Variants in PHF21B observed in about 807,000 individuals in gnomAD.
PHF21B encodes the protein PHD finger protein 4.
Under a neutral mutation model 62.2 loss-of-function variants are expected in PHF21B, and 22 were observed. That is an observed-to-expected ratio of 0.35 (90% confidence interval 0.25 to 0.51). PHF21B has a LOEUF of 0.51. Ranked by LOEUF, PHF21B falls within the 20% of genes least tolerant of loss-of-function variation. PHF21B has a pLI of 0.97. For missense variants in PHF21B, 701 were observed against 707.9 expected (o/e 0.99, Z 0.11); for synonymous variants, 341 against 314.7 (o/e 1.08, Z -0.88).
At chr22:44,933,476 G>A (rs555326003) in intron 2 of PHF21B, 61 of 985,476 alleles carry the variant, frequency 6.2e-5, no homozygotes, top group Non-Finnish European at 7.0e-5. Flanking sequence ...CACCTACCCC[G>A]TGCTGGGTCC....
chr22:44,992,794 A>AC (rs1023388276), intron 2 of PHF21B, among the ~76,000 whole-genome samples: 1 of 151,358 alleles, frequency 6.6e-6, no homozygotes. Context: ...CCTGACGCTG[A>AC]CCCCCCAGAG....
rs149036430 is a variant in PHF21B at position 44,904,040 on chromosome 22, C to CT, written c.832-7958dup. 2.0e-4 allele frequency among the ~76,000 whole-genome samples: 31 copies of CT among 151,740 alleles called. No homozygotes were observed. The East Asian group carries it at 2.7e-3, about 13-fold the overall frequency. ...TTGGGAAAAAAAAGCTCCACATTCA[C>CT]TTTTTTTTTCCTCTGCTGATTTAGA... is the stretch of plus-strand genomic sequence containing the variant. On this transcript the variant is annotated intron_variant, in intron 5 of 12. Coordinates refer to ENST00000313237, the MANE Select transcript of PHF21B (RefSeq NM_138415.5).
intron 2 of PHF21B, among the ~76,000 whole-genome samples, chr22:45,007,856 G>A (rs2147553060): frequency 6.6e-6 from 1 of 151,826 alleles, no homozygotes; most frequent in South Asian, 2.1e-4. Context: ...CGAGCGCTGA[G>A]CTCAGCGCAA....
chr22:44,996,333 T>C (rs1486211862), intron 2 of PHF21B, among the ~76,000 whole-genome samples: 1 of 152,038 alleles, frequency 6.6e-6, no homozygotes, highest in Non-Finnish European at 1.5e-5. Context: ...CCGCCAGCCT[T>C]CCCCGTACAA....
intron 2 of PHF21B, among the ~76,000 whole-genome samples, chr22:44,987,170 A>C (rs1373301265): frequency 3.3e-5 from 5 of 152,222 alleles, no homozygotes; most frequent in African/African-American, 1.2e-4. Flanking sequence ...TAAAGAGACC[A>C]GTCAGGGGGC....
intron 7 of PHF21B, among the ~76,000 whole-genome samples, chr22:44,891,576 C>T (rs1243407274): frequency 2.6e-5 from 4 of 152,100 alleles, no homozygotes; most frequent in Admixed American, 6.5e-5. Context: ...GCAGGGAAGT[C>T]GGCAAAGGCT....
Position 45,009,051 on chromosome 22 carries a change from G to C in PHF21B, c.55-441C>G. On this transcript the variant is annotated intron_variant, in intron 1 of 12. Coordinates refer to ENST00000313237, the MANE Select transcript of PHF21B (RefSeq NM_138415.5). The surrounding 1 kb of genome is among the most constrained non-coding windows in gnomAD (Gnocchi z 5.9). ...ACACGCGCACGCCGAGCCCCGCTCA[G>C]GCTCCGGCCGCCACGCCGCCGCTCG... 8.8e-7 allele frequency: 1 copy of C among 1,132,748 alleles called. No individual in the cohort carries two copies. Among genetic ancestry groups the C allele is most frequent in the Non-Finnish European group, 1.1e-6 (1 of 922,982 alleles). 70.2% of individuals were successfully genotyped at this position (1,132,748 alleles called of 1,614,324 possible).
At chr22:44,975,163 C>T (rs769235569) in intron 2 of PHF21B, among the ~76,000 whole-genome samples, 7 of 152,196 alleles carry the variant, frequency 4.6e-5, no homozygotes, top group Admixed American at 1.3e-4. Flanking sequence ...CCATCCTCCT[C>T]TCACCCCTTC....
At chr22:44,991,848 G>C (rs762238487) in intron 2 of PHF21B, among the ~76,000 whole-genome samples, 5 of 152,212 alleles carry the variant, frequency 3.3e-5, no homozygotes, top group Non-Finnish European at 7.3e-5. Context: ...AGGGTGAAGG[G>C]GCTGCTGAGA....
intron 2 of PHF21B, among the ~76,000 whole-genome samples, chr22:44,935,629 AAC>A (rs1333158760): frequency 3.8e-5 from 1 of 26,398 alleles, no homozygotes; most frequent in Non-Finnish European, 8.8e-5. Context: ...CAAACAAACA[AAC>A]AAAAAAAAAA....
At chr22:44,959,779 G>C (rs2072380297) in intron 2 of PHF21B, among the ~76,000 whole-genome samples, 1 of 152,244 alleles carries the variant, frequency 6.6e-6, no homozygotes, top group African/African-American at 2.4e-5. Context: ...CAGGAGGGAA[G>C]ATATCCCAGG....
intron 2 of PHF21B, among the ~76,000 whole-genome samples, chr22:44,957,598 C>T (rs1018269916): frequency 1.3e-5 from 2 of 152,148 alleles, no homozygotes; most frequent in Non-Finnish European, 2.9e-5. Flanking sequence ...ATTTGTTTGG[C>T]GTTCTGGGTT....
chr22:45,005,669 G>A (rs1253043840), intron 2 of PHF21B, among the ~76,000 whole-genome samples: 3 of 152,156 alleles, frequency 2.0e-5, no homozygotes, highest in African/African-American at 7.2e-5. Flanking sequence ...TAACAGACCT[G>A]GATAACGGGG....
At position 44,995,503 on chromosome 22, in the gene PHF21B, G is replaced by A. The variant is rs559997735; in HGVS notation, c.120+13042C>T. Among the ~76,000 whole-genome samples the A allele has an allele frequency of 2.8e-4, 43 of 152,232 alleles. 1 individual carries two copies. Among genetic ancestry groups the A allele is most frequent in the African/African-American group, 9.6e-4 (40 of 41,536 alleles). The stretch of plus-strand genomic sequence containing the variant: ...ATAAGCACCCTTGAAGAGTCCCGAG[G>A]CACTCTGGTTGTGTGACCAGCTCCT... On this transcript the variant is annotated intron_variant, in intron 2 of 12. Coordinates refer to ENST00000313237, the MANE Select transcript of PHF21B (RefSeq NM_138415.5).
rs777340651 is a variant in PHF21B, at chr22:44,883,261, C to G, written c.1421G>C (p.Gly474Ala). The change falls in exon 13 of 13, where the codon GGC (glycine) becomes GCC (alanine). Residue 474 changes from glycine to alanine, a missense_variant. By Grantham distance (60) the Gly-to-Ala change is moderately conservative (BLOSUM62 0). Transcript: ENST00000313237. ...LKTSLLARQRGTQSSLDRLRA... is the reference protein window; with the variant it reads ...LKTSLLARQRATQSSLDRLRA... ...CAGGCGGTCCAGGGATGACTGGGTG[C>G]CCCTCTGGCGGGCCAGCAGGCTTGT... The G allele has an allele frequency of 1.5e-5, 25 of 1,613,862 alleles. No homozygotes were observed. The highest frequency in any genetic ancestry group is 2.1e-5 in the Non-Finnish European group (25 of 1,179,948).
At chr22:44,915,541 C>T (rs1191073287) in intron 4 of PHF21B, among the ~76,000 whole-genome samples, 1 of 152,206 alleles carries the variant, frequency 6.6e-6, no homozygotes, top group African/African-American at 2.4e-5. Context: ...GAGGGGCCCT[C>T]AGTGGGCGGG....
chr22:44,943,779 G>A (rs1334161274), intron 2 of PHF21B, among the ~76,000 whole-genome samples: 1 of 152,154 alleles, frequency 6.6e-6, no homozygotes, highest in Non-Finnish European at 1.5e-5. Context: ...TTTGGTCCAA[G>A]AAGTGGCAGC....
At chr22:44,943,184 C>T (rs180855801) in intron 2 of PHF21B, among the ~76,000 whole-genome samples, 5 of 152,244 alleles carry the variant, frequency 3.3e-5, no homozygotes, top group African/African-American at 7.2e-5. Flanking sequence ...TGCCAGCACC[C>T]GCTCCCCCAA....
At chr22:44,952,554 C>A (rs1030547621) in intron 2 of PHF21B, among the ~76,000 whole-genome samples, 11 of 152,186 alleles carry the variant, frequency 7.2e-5, no homozygotes, top group Non-Finnish European at 1.5e-4. Context: ...CGATGCCCAG[C>A]ATTTTTGGGC....
Sources: gnomAD v4.1 joint callset for allele counts (sites outside exome capture counted in the v4.1 genomes callset) on GRCh38, gnomAD v4.1.1 for gene constraint, Gnocchi (gnomAD v3.1) non-coding constraint, MANE v1.5 for transcripts, NCBI Gene and HGNC (gene_info 2026-07-23, HGNC 2026-07-21) for gene names.